The following ENTREP2 variants were observed in gnomAD, a reference collection of about 807,000 sequenced individuals.
ENTREP2 encodes the protein endosomal transmembrane epsin interactor 2, also known as protein ENTREP2.
the ENTREP2 span, among the ~76,000 whole-genome samples, chr15:29,470,270 T>A: frequency 9.2e-5 from 14 of 152,308 alleles, no homozygotes; most frequent in African/African-American, 2.9e-4. Flanking sequence ...TGGTTGAGCA[T>A]CCGGAGGGTC....
the ENTREP2 span, among the ~76,000 whole-genome samples, chr15:29,651,439 T>A: frequency 6.6e-6 from 1 of 152,216 alleles, no homozygotes; most frequent in Non-Finnish European, 1.5e-5. Flanking sequence ...GCTGCCAAGA[T>A]GCCAGCTGCA....
At chr15:29,651,392 G>A in the ENTREP2 span, among the ~76,000 whole-genome samples, 24 of 152,274 alleles carry the variant, frequency 1.6e-4, no homozygotes, top group African/African-American at 5.1e-4. Context: ...AAGGATCCTA[G>A]GAAGGTGATA....
the ENTREP2 span, among the ~76,000 whole-genome samples, chr15:29,355,176 G>A: frequency 6.6e-6 from 1 of 152,180 alleles, no homozygotes; most frequent in African/African-American, 2.4e-5. Context: ...AGGTCCAGGA[G>A]CCAGGGCAGC....
At chr15:29,482,192 T>C in the ENTREP2 span, among the ~76,000 whole-genome samples, 8 of 148,576 alleles carry the variant, frequency 5.4e-5, no homozygotes, top group Admixed American at 2.7e-4. Context: ...GTATTTTTAG[T>C]AGAGATGGGA....
At chr15:29,622,749 G>A in the ENTREP2 span, among the ~76,000 whole-genome samples, 4 of 152,130 alleles carry the variant, frequency 2.6e-5, no homozygotes, top group East Asian at 1.9e-4. Flanking sequence ...CTTAAACCCC[G>A]GCATGTGTTT....
At chr15:29,639,080 T>C in the ENTREP2 span, among the ~76,000 whole-genome samples, 1 of 152,262 alleles carries the variant, frequency 6.6e-6, no homozygotes, top group Admixed American at 6.5e-5. Context: ...GTTTTCAACC[T>C]TGATTTGTAA....
At chr15:29,571,887 C>G in the ENTREP2 span, among the ~76,000 whole-genome samples, 2 of 152,260 alleles carry the variant, frequency 1.3e-5, no homozygotes, top group East Asian at 3.9e-4. Flanking sequence ...GTTAGGGAGT[C>G]TGAAGGGACC....
At chr15:29,322,948 G>A in the ENTREP2 span, among the ~76,000 whole-genome samples, 5 of 152,086 alleles carry the variant, frequency 3.3e-5, no homozygotes, top group South Asian at 2.1e-4. Flanking sequence ...GATACCTTTC[G>A]GTTTACGGTA....
the ENTREP2 span, among the ~76,000 whole-genome samples, chr15:29,651,791 GA>G: frequency 6.6e-6 from 1 of 152,236 alleles, no homozygotes; most frequent in Non-Finnish European, 1.5e-5. Context: ...ACGAGCATGG[GA>G]GGGGAAGCCA....
chr15:29,603,274 T>G, the ENTREP2 span, among the ~76,000 whole-genome samples: 1 of 152,124 alleles, frequency 6.6e-6, no homozygotes, highest in African/African-American at 2.4e-5. Flanking sequence ...AGGCAGGTGG[T>G]CCATGTGTGG....
the ENTREP2 span, among the ~76,000 whole-genome samples, chr15:29,609,166 G>C: frequency 1.3e-4 from 19 of 149,982 alleles, no homozygotes; most frequent in African/African-American, 4.6e-4. Flanking sequence ...TGTGGGTTTT[G>C]CTGCCTAGTT....
the ENTREP2 span, among the ~76,000 whole-genome samples, chr15:29,441,656 T>TCTA: frequency 6.6e-6 from 1 of 152,164 alleles, no homozygotes; most frequent in African/African-American, 2.4e-5. Context: ...TTACTGAACA[T>TCTA]CTACTACCAT....
At chr15:29,307,310 C>CA in the ENTREP2 span, among the ~76,000 whole-genome samples, 1 of 151,494 alleles carries the variant, frequency 6.6e-6, no homozygotes, top group Non-Finnish European at 1.5e-5. Context: ...AACCTGAAGT[C>CA]AAAATAAACG....
the ENTREP2 span, among the ~76,000 whole-genome samples, chr15:29,639,526 G>A: frequency 2.6e-5 from 4 of 152,072 alleles, no homozygotes; most frequent in Non-Finnish European, 4.4e-5. Flanking sequence ...ATAGACTTAC[G>A]GGAGGCAGCT....
chr15:29,534,106 C>CAAAAA, the ENTREP2 span, among the ~76,000 whole-genome samples: 23 of 44,940 alleles, frequency 5.1e-4, no homozygotes, highest in Non-Finnish European at 5.9e-4. Flanking sequence ...GCCCCTTGGC[C>CAAAAA]AAAAAAAAAA....
the ENTREP2 span, among the ~76,000 whole-genome samples, chr15:29,522,360 A>T: frequency 6.6e-6 from 1 of 152,226 alleles, no homozygotes; most frequent in Non-Finnish European, 1.5e-5. Flanking sequence ...TTGTACCTAG[A>T]ACATAAAAAG....
At chr15:29,378,749 A>G in the ENTREP2 span, among the ~76,000 whole-genome samples, 4 of 151,894 alleles carry the variant, frequency 2.6e-5, no homozygotes, top group Admixed American at 2.6e-4. Context: ...ATACATATAC[A>G]TACATATATA....
At chr15:29,136,573 G>C in the ENTREP2 span, 1 of 1,501,176 alleles carries the variant, frequency 6.7e-7, no homozygotes, top group East Asian at 2.6e-5. Flanking sequence ...TCTCAAAGCC[G>C]CCAGAGCAGG....
chr15:29,132,913 C>T, the ENTREP2 span, among the ~76,000 whole-genome samples: 4 of 152,110 alleles, frequency 2.6e-5, no homozygotes, highest in African/African-American at 4.8e-5. Flanking sequence ...AGTGCAGAGC[C>T]GGAATTGTGA....
Sources: gnomAD v4.1 joint callset for allele counts (sites outside exome capture counted in the v4.1 genomes callset) on GRCh38, gnomAD v4.1.1 for gene constraint, MANE v1.5 for transcripts, NCBI Gene and HGNC (gene_info 2026-07-23, HGNC 2026-07-21) for gene names.